Variants in CLEC18C observed in about 807,000 individuals in gnomAD.
CLEC18C encodes the protein C-type lectin domain family 18 member C.
Under a neutral mutation model 27.2 loss-of-function variants are expected in CLEC18C, and 2 were observed. The ratio of observed to expected loss-of-function variants is 0.07; its 90% CI spans 0.03 to 0.23. The LOEUF (loss-of-function observed/expected upper bound fraction) is 0.23, where lower values mean the gene tolerates loss of function less well. Ranked by LOEUF, CLEC18C falls within the 10% of genes least tolerant of loss-of-function variation. CLEC18C has a pLI of 1.00. For missense variants in CLEC18C, 31 were observed against 269.0 expected (o/e 0.12, Z 6.19); for synonymous variants, 13 against 112.8 (o/e 0.12, Z 5.61).
At chr16:70,176,566 T>C (rs1175250515) in intron 3 of CLEC18C, among the ~76,000 whole-genome samples, 15 of 150,894 alleles carry the variant, frequency 9.9e-5, no homozygotes, top group Admixed American at 9.8e-4. Context: ...CCGTCTCTAC[T>C]AAAAATACAA....
chr16:70,175,757 A>T (rs1192416457), intron 3 of CLEC18C, among the ~76,000 whole-genome samples: 1 of 100,028 alleles, frequency 1.0e-5, no homozygotes, highest in Admixed American at 1.1e-4. Context: ...CCTCCAAGGC[A>T]GGTGGCCACA....
At position 70,173,877 on chromosome 16, in the gene CLEC18C, G is replaced by A. The variant is rs1968176273; in HGVS notation, c.-181G>A. 4.2e-6 allele frequency: 1 copy of A among 236,938 alleles called. No individual in the cohort carries two copies. Among genetic ancestry groups the A allele is most frequent in the Non-Finnish European group, 8.4e-6 (1 of 119,212 alleles). 14.7% of individuals were successfully genotyped at this position (236,938 alleles called of 1,614,324 possible). On this transcript the variant is annotated 5_prime_UTR_variant, in exon 1 of 13. Transcript: ENST00000541793. ...GCGGAAGCCATCAGTGGGCTCGGAG[G>A]ACACTGTCCCAGCCAGGACACGGCC...
Position 70,186,021 on chromosome 16 carries a change from G to C in CLEC18C, c.1303+45G>C, listed in dbSNP as rs1192818583. 11 of 1,443,918 alleles carry C rather than the reference G, an allele frequency of 7.6e-6. 2 individuals are homozygous for C. The African/African-American group carries it at 1.8e-4, about 23-fold the overall frequency. The allele number at this position is 1,443,918 out of a possible 1,614,324, so 89.4% of individuals were successfully genotyped here. On this transcript the variant is annotated intron_variant, in intron 12 of 12. Transcript: ENST00000541793. ...TCCCCTTCTCTGATCTCTGACCCTGGGGGTGCTGCTGACCCGGTCCAGCCT... is the reference window on the plus strand; with the variant it reads ...TCCCCTTCTCTGATCTCTGACCCTGCGGGTGCTGCTGACCCGGTCCAGCCT...
intron 12 of CLEC18C, 46 bp downstream of exon 12, chr16:70,186,022 G>C: frequency 6.9e-7 from 1 of 1,444,090 alleles, no homozygotes; most frequent in South Asian, 1.1e-5. Context: ...CTGACCCTGG[G>C]GGTGCTGCTG....
In CLEC18C at chr16:70,173,916, C is replaced by T; in HGVS notation, c.-142C>T. ...CAGGACACGGCCATCGGTCACTAAT[C>T]TGCAGCACTGGAATGTCCGCAGGCC... On this transcript the variant is annotated 5_prime_UTR_variant, in exon 1 of 13. Coordinates refer to ENST00000541793, the MANE Select transcript of CLEC18C (RefSeq NM_173619.4). 1 of 336,090 alleles carries T rather than the reference C, an allele frequency of 3.0e-6. No homozygotes were observed. The highest frequency in any genetic ancestry group is 2.7e-5 in the South Asian group (1 of 37,534). The allele number at this position is 336,090 out of a possible 1,614,324, so 20.8% of individuals were successfully genotyped here. A position where few individuals can be genotyped will look rare whatever the true frequency, so the allele number is the denominator to read the frequency against.
chr16:70,176,685 C>T (rs1438357004), intron 3 of CLEC18C, among the ~76,000 whole-genome samples: 1 of 129,684 alleles, frequency 7.7e-6, no homozygotes, highest in Non-Finnish European at 1.6e-5. Context: ...GCCGGGATTT[C>T]TCCACTGCAC....
At chr16:70,176,439 G>A (rs1968289325) in intron 3 of CLEC18C, among the ~76,000 whole-genome samples, 1 of 148,060 alleles carries the variant, frequency 6.8e-6, no homozygotes, top group Admixed American at 6.6e-5. Context: ...TTTAAGAAGA[G>A]GGAGGGGGCT....
intron 12 of CLEC18C, among the ~76,000 whole-genome samples, 154 bp from the exon 13 acceptor site, chr16:70,186,329 A>C (rs1217773108): frequency 6.8e-6 from 1 of 146,128 alleles, no homozygotes; most frequent in Non-Finnish European, 1.5e-5. Flanking sequence ...GGTGAAACCT[A>C]GCATGGCACC....
intron 4 of CLEC18C, among the ~76,000 whole-genome samples, chr16:70,179,751 A>T (rs903236973): frequency 2.1e-5 from 3 of 145,142 alleles, no homozygotes; most frequent in African/African-American, 7.7e-5. Flanking sequence ...AGTTCAAGAG[A>T]TTCTCCTGCG....
intron 3 of CLEC18C, among the ~76,000 whole-genome samples, chr16:70,175,676 G>T (rs1226959749): frequency 8.8e-6 from 1 of 113,398 alleles, no homozygotes; most frequent in Non-Finnish European, 1.6e-5. Context: ...CCCAGCCCAT[G>T]TTAGCAGGCC....
At position 70,177,387 on chromosome 16, in the gene CLEC18C, T is replaced by G. The variant is rs2549610; in HGVS notation, c.363T>G (p.Val121=). 3 of 1,595,956 alleles carry G rather than the reference T, an allele frequency of 1.9e-6. No homozygotes were observed. The highest frequency in any genetic ancestry group is 1.4e-5 in the African/African-American group (1 of 70,330). The stretch of plus-strand genomic sequence containing the variant: ...TGCCCGCGGGCTTGGCGTCCTTTGT[T>G]GAAGTGGTCAGCCTATGGTTTGCAG... ...QLLPAGLASF[V]EVVSLWFAEG... is the part of the protein sequence containing the mutation. Residue 121 remains valine, a synonymous_variant, in exon 4 of 13, where the codon GTT becomes GTG. Transcript: ENST00000541793.
At position 70,185,940 on chromosome 16, in the gene CLEC18C, C is replaced by T. The variant is rs755046333; in HGVS notation, c.1267C>T (p.Arg423Cys). ...AGCTGCCTTCAACTGGAACAACCAG[C>T]GCTGCAAAACCCGAAACCGTTACAT... The part of the protein sequence containing the change: ...ASAAFNWNNQ[R>C]CKTRNRYICQ... Residue 423 changes from arginine (R) to cysteine (C), a missense_variant, in exon 12 of 13, where the codon CGC becomes TGC. Coordinates refer to ENST00000541793, the MANE Select transcript of CLEC18C (RefSeq NM_173619.4). The T allele has an allele frequency of 3.7e-5, 59 of 1,594,106 alleles. 3 individuals carry two copies. Among genetic ancestry groups the T allele is most frequent in the Middle Eastern group, 1.7e-4 (1 of 5,792 alleles).
In CLEC18C at chr16:70,173,970, AG is replaced by A. The variant is rs1345659313; in HGVS notation, c.-107+22del. On this transcript the variant is annotated intron_variant, in intron 1 of 12. Transcript: ENST00000541793. ...CAGCGGGGTCTCTGGGGGCTCCCCA[AG>A]GGTGCTAATAATCCCACAATGATTA... 2 of 424,720 alleles carry A rather than the reference AG, an allele frequency of 4.7e-6. No homozygotes were observed. Among genetic ancestry groups the A allele is most frequent in the African/African-American group, 4.3e-5 (2 of 46,610 alleles). The allele number at this position is 424,720 out of a possible 1,614,324, so 26.3% of individuals were successfully genotyped here. A position where few individuals can be genotyped will look rare whatever the true frequency, so the allele number is the denominator to read the frequency against.
At chr16:70,175,399 G>A (rs1351066466) in intron 3 of CLEC18C, among the ~76,000 whole-genome samples, 1 of 114,188 alleles carries the variant, frequency 8.8e-6, no homozygotes, top group Non-Finnish European at 1.7e-5. Context: ...TGGGCGGCCG[G>A]GCCAGGGAGG....
Position 70,186,633 on chromosome 16 carries a change from AG to A in CLEC18C, c.*115del. On this transcript the variant is annotated 3_prime_UTR_variant, in exon 13 of 13. Coordinates refer to ENST00000541793, the MANE Select transcript of CLEC18C (RefSeq NM_173619.4). The stretch of plus-strand genomic sequence containing the variant: ...AAGACCACATGCCTCATGTCCAAAG[AG>A]GTCTCAGACCTTGCACAATGCCAGA... 1.5e-6 allele frequency: 1 copy of A among 646,224 alleles called. No individual in the cohort carries two copies. The highest frequency in any genetic ancestry group is 2.6e-6 in the Non-Finnish European group (1 of 384,144). 40.0% of individuals were successfully genotyped at this position (646,224 alleles called of 1,614,324 possible).
At chr16:70,179,328 C>T (rs1160789037) in intron 4 of CLEC18C, among the ~76,000 whole-genome samples, 8 of 129,722 alleles carry the variant, frequency 6.2e-5, no homozygotes, top group Admixed American at 2.2e-4. Context: ...GGCGCGATCT[C>T]GGCTCACTGC....
At chr16:70,179,345 C>T (rs1187253517) in intron 4 of CLEC18C, among the ~76,000 whole-genome samples, 4 of 126,958 alleles carry the variant, frequency 3.2e-5, no homozygotes, top group African/African-American at 1.3e-4. Flanking sequence ...CTGCAAGCTC[C>T]GCCTCCTGGG....
Position 70,185,995 on chromosome 16 carries a change from C to A in CLEC18C, c.1303+19C>A. 1.4e-6 allele frequency: 2 copies of A among 1,467,950 alleles called. No individual in the cohort carries two copies. The highest frequency in any genetic ancestry group is 1.9e-6 in the Non-Finnish European group (2 of 1,064,552). The allele number at this position is 1,467,950 out of a possible 1,614,324, so 90.9% of individuals were successfully genotyped here. On this transcript the variant is annotated intron_variant, in intron 12 of 12. Coordinates refer to ENST00000541793, the MANE Select transcript of CLEC18C (RefSeq NM_173619.4). ...CAGTTTGGTGAGGGACTTCCTGAGG[C>A]TCCCCTTCTCTGATCTCTGACCCTG...
At chr16:70,179,640 G>GTTTTGT (rs1408820060) in intron 4 of CLEC18C, among the ~76,000 whole-genome samples, 4 of 145,754 alleles carry the variant, frequency 2.7e-5, no homozygotes, top group African/African-American at 5.1e-5. Flanking sequence ...TTTTTTGTTT[G>GTTTTGT]TTTTGTTTTT....
Sources: allele counts gnomAD v4.1 joint callset (sites outside exome capture counted in the v4.1 genomes callset), GRCh38; gene constraint gnomAD v4.1.1; transcripts MANE v1.5; gene names NCBI Gene and HGNC (gene_info 2026-07-23, HGNC 2026-07-21).